NME6: variants seen among roughly 807,000 people sequenced by gnomAD.
NME6 encodes NME/NM23 nucleoside diphosphate kinase 6.
A neutral mutation model predicts 22.2 loss-of-function variants in NME6; 16 were observed. That is an observed-to-expected ratio of 0.72 (90% confidence interval 0.49 to 1.09). The LOEUF (loss-of-function observed/expected upper bound fraction) is 1.09, where lower values mean the gene tolerates loss of function less well. Among genes scored for constraint, NME6 ranks in the 50% least tolerant of loss-of-function variants. The probability of loss-of-function intolerance (pLI) is 0.00; values close to 1 mark genes in which losing one functional copy is unlikely to be tolerated. For synonymous variants in NME6, 58 were observed against 85.2 expected, an observed-to-expected ratio of 0.68 and a Z score of 1.76; for missense variants, 229 against 239.0, an observed-to-expected ratio of 0.96 and a Z score of 0.28.
At chr3:48,290,025 G>A (rs537657214), downstream of NME6, among the ~76,000 whole-genome samples, 2 of 151,762 alleles carry the variant, frequency 1.3e-5, no homozygotes, top group South Asian at 4.1e-4. Flanking sequence ...TTTTCAAAAA[G>A]AAATGTAAGA....
In NME6 at chr3:48,295,216, T is replaced by G; in HGVS notation, c.253A>C (p.Ile85Leu). The change falls in exon 5 of 6, where the codon ATC becomes CTC. Residue 85 changes from isoleucine to leucine, a missense_variant. Coordinates refer to ENST00000442597, the MANE Select transcript of NME6 (RefSeq NM_001308426.2). ...TGGATGGCATCCTTGTGGGCAAGGA[T>G]GTAGGCTCGGATTGGCCCGCTGTGA... ...FMASGPIRAY[I>L]LAHKDAIQLW... 1 of 1,613,782 alleles carries G rather than the reference T, an allele frequency of 6.2e-7. No homozygotes were observed. Among genetic ancestry groups the G allele is most frequent in the Non-Finnish European group, 8.5e-7 (1 of 1,179,786 alleles).
At position 48,294,500 on chromosome 3, in the gene NME6, G is replaced by A. The variant is rs1024089714; in HGVS notation, c.*137C>T. On this transcript the variant is annotated 3_prime_UTR_variant, in exon 6 of 6. Coordinates refer to ENST00000442597, the MANE Select transcript of NME6 (RefSeq NM_001308426.2). ...TAGATCCTGGAGGATGTGCTGTGGTGAGCTAGGCCCTCAGGCAGGTGGTGG... is the reference window on the plus strand; with the variant it reads ...TAGATCCTGGAGGATGTGCTGTGGTAAGCTAGGCCCTCAGGCAGGTGGTGG... 8 of 738,552 alleles carry A rather than the reference G, an allele frequency of 1.1e-5. No individual in the cohort carries two copies. Among genetic ancestry groups the A allele is most frequent in the South Asian group, 1.8e-5 (1 of 57,076 alleles). The allele number at this position is 738,552 out of a possible 1,614,324, so 45.7% of individuals were successfully genotyped here. A position where few individuals can be genotyped will look rare whatever the true frequency, so the allele number is the denominator to read the frequency against.
At chr3:48,295,042 A>C in intron 5 of NME6, 33 bp downstream of exon 5, 1 of 1,597,738 alleles carries the variant, frequency 6.3e-7, no homozygotes. Flanking sequence ...CGCTAACCCC[A>C]AAATATCCTA....
At position 48,295,539 on chromosome 3, in the gene NME6, T is replaced by C. The variant is rs185888316; in HGVS notation, c.234-304A>G. 4.0e-3 allele frequency: 1,396 copies of C among 350,158 alleles called. 5 individuals carry two copies. Among genetic ancestry groups the C allele is most frequent in the Middle Eastern group, 0.017 (21 of 1,272 alleles). 21.7% of individuals were successfully genotyped at this position (350,158 alleles called of 1,614,324 possible). ...AACCCGTGTTTCTTCAGATTTGACATTGTTTACAACTTTATTTTTTGAGAT... is the reference window on the plus strand; with the variant it reads ...AACCCGTGTTTCTTCAGATTTGACACTGTTTACAACTTTATTTTTTGAGAT... On this transcript the variant is annotated intron_variant, in intron 4 of 5. Coordinates refer to ENST00000442597, the MANE Select transcript of NME6 (RefSeq NM_001308426.2).
At chr3:48,289,287 C>A (rs1429488089), downstream of NME6, among the ~76,000 whole-genome samples, 1 of 152,142 alleles carries the variant, frequency 6.6e-6, no homozygotes, top group Admixed American at 6.5e-5. Flanking sequence ...TGGTCTCGAA[C>A]TCCCGACCTC....
downstream of NME6, among the ~76,000 whole-genome samples, chr3:48,289,475 G>A (rs1174106554): frequency 6.6e-6 from 1 of 152,190 alleles, no homozygotes; most frequent in Non-Finnish European, 1.5e-5. Context: ...AGTAAGAGAT[G>A]AAGGTCGCTT....
rs756754356 is a variant in NME6 at position 48,294,695 on chromosome 3, T to G, written c.503A>C (p.Tyr168Ser). 1 of 1,614,064 alleles carries G rather than the reference T, an allele frequency of 6.2e-7. No homozygotes were observed. Among genetic ancestry groups the G allele is most frequent in the Admixed American group, 1.7e-5 (1 of 60,002 alleles). Residue 168 changes from tyrosine to serine, a missense_variant, in exon 6 of 6, where the codon TAT becomes TCT. Coordinates refer to ENST00000442597, the MANE Select transcript of NME6 (RefSeq NM_001308426.2). ...ATAGTGGACACCTCCCTCTGGGCTA[T>G]AGCACACAGGGCCACAGCGCAACTG... Reference protein sequence around the residue: ...EPQLRCGPVCYSPEGGVHYVA... With the variant: ...EPQLRCGPVCSSPEGGVHYVA...
chr3:48,300,746 C>T (rs1450912874), intron 1 of NME6: 1 of 182,532 alleles, frequency 5.5e-6, no homozygotes, highest in East Asian at 1.6e-4. Context: ...AAGGTGACTC[C>T]ATGAGAATTA....
At chr3:48,298,210 G>A (rs145995315) in intron 2 of NME6, 13 of 584,114 alleles carry the variant, frequency 2.2e-5, no homozygotes, top group African/African-American at 9.4e-5. Flanking sequence ...CTTGATATTC[G>A]GTTCTATTAT....
At chr3:48,296,909 G>C in intron 2 of NME6, 80 bp from the exon 3 acceptor site, 1 of 1,062,418 alleles carries the variant, frequency 9.4e-7, no homozygotes, top group Non-Finnish European at 1.4e-6. Flanking sequence ...ACCACTTGTT[G>C]CTCAGGACCT....
At chr3:48,290,776 AG>A (rs1482708038), downstream of NME6, 2 of 160,356 alleles carry the variant, frequency 1.2e-5, no homozygotes, top group Admixed American at 6.5e-5. Flanking sequence ...AGAAAGGCAG[AG>A]GAACTTGGGC....
intron 4 of NME6, chr3:48,295,449 G>C (rs1559999884): frequency 5.5e-6 from 3 of 542,050 alleles, no homozygotes; most frequent in Non-Finnish European, 6.5e-6. Flanking sequence ...AGCATTCAAG[G>C]GGACTCTTCT....
downstream of NME6, among the ~76,000 whole-genome samples, chr3:48,289,573 C>T (rs947615599): frequency 6.6e-6 from 1 of 152,108 alleles, no homozygotes; most frequent in African/African-American, 2.4e-5. Context: ...TGTTTCCTTC[C>T]CTCTTTTCTC....
At chr3:48,300,439 T>C in intron 1 of NME6, 1 of 424,376 alleles carries the variant, frequency 2.4e-6, no homozygotes, top group Admixed American at 2.8e-5. Flanking sequence ...ACCTTAGTGA[T>C]CTTAGCTCAC....
chr3:48,295,383 T>A, intron 4 of NME6, 148 bp from the exon 5 acceptor site: 2 of 846,968 alleles, frequency 2.4e-6, no homozygotes, highest in Non-Finnish European at 3.6e-6. Context: ...AAATAGGTGA[T>A]GCAGGGCCCC....
chr3:48,300,140 A>C (rs1033843840), intron 1 of NME6: 2 of 426,148 alleles, frequency 4.7e-6, no homozygotes, highest in Non-Finnish European at 9.4e-6. Context: ...ACAGCAGCCA[A>C]AGTGAACCAC....
At position 48,300,874 on chromosome 3, in the gene NME6, C is replaced by T. The variant is rs567474475; in HGVS notation, c.-8+479G>A. 8.6e-4 allele frequency among the ~76,000 whole-genome samples: 131 copies of T among 152,046 alleles called. 1 individual carries two copies. Among genetic ancestry groups the T allele is most frequent in the African/African-American group, 2.9e-3 (122 of 41,476 alleles). On this transcript the variant is annotated intron_variant, in intron 1 of 5. Coordinates refer to ENST00000442597, the MANE Select transcript of NME6 (RefSeq NM_001308426.2). ...CATCCTGGCCAACATGGTGAAAGCC[C>T]GTCTCTACTAAAAATACAAAAAAAT...
At chr3:48,301,243 C>G in intron 1 of NME6, 110 bp downstream of exon 1, 5 of 1,569,266 alleles carry the variant, frequency 3.2e-6, no homozygotes, top group Non-Finnish European at 4.3e-6. Flanking sequence ...CCCTACTTCT[C>G]TAGGCCTGCA....
intron 4 of NME6, chr3:48,295,766 A>C (rs1274788975): frequency 6.4e-6 from 2 of 314,816 alleles, no homozygotes; most frequent in Non-Finnish European, 1.2e-5. Context: ...CCCAGGCTAG[A>C]GTGCAGTGCC....
Sources: gnomAD v4.1 joint callset for allele counts (sites outside exome capture counted in the v4.1 genomes callset) on GRCh38, gnomAD v4.1.1 for gene constraint, MANE v1.5 for transcripts, NCBI Gene and HGNC (gene_info 2026-07-23, HGNC 2026-07-21) for gene names.